Variants in SIPA1L1 observed in about 807,000 individuals in gnomAD.
The protein encoded by SIPA1L1 is signal-induced proliferation-associated 1-like protein 1.
Under a neutral mutation model 162.7 loss-of-function variants are expected in SIPA1L1, and 26 were observed. The ratio of observed to expected loss-of-function variants is 0.16; its 90% CI spans 0.12 to 0.22. The LOEUF (loss-of-function observed/expected upper bound fraction) is 0.22. Ranked by LOEUF, SIPA1L1 falls within the 10% of genes least tolerant of loss-of-function variation. The probability of loss-of-function intolerance (pLI) is 1.00; values close to 1 mark genes in which losing one functional copy is unlikely to be tolerated. For missense variants in SIPA1L1, 1,874 were observed against 2,241.0 expected, an observed-to-expected ratio of 0.84 and a Z score of 3.31; for synonymous variants, 829 against 837.4, an observed-to-expected ratio of 0.99 and a Z score of 0.17.
chr14:71,614,531 A>T (rs367978263), intron 5 of SIPA1L1, among the ~76,000 whole-genome samples: 1 of 152,330 alleles, frequency 6.6e-6, no homozygotes, highest in South Asian at 2.1e-4. Flanking sequence ...ATCCATACCA[A>T]TGGAACCGAT....
chr14:71,432,577 G>A (rs145844345), intron 2 of SIPA1L1, among the ~76,000 whole-genome samples: 210 of 152,244 alleles, frequency 1.4e-3, no homozygotes, highest in Non-Finnish European at 2.5e-3. Flanking sequence ...CTGAGGAAAG[G>A]GATTTCTGGT....
intron 4 of SIPA1L1, among the ~76,000 whole-genome samples, chr14:71,546,613 A>G (rs1395311737): frequency 6.6e-6 from 1 of 151,982 alleles, no homozygotes; most frequent in East Asian, 1.9e-4. Flanking sequence ...AACTCCTGAC[A>G]TCAAGTTATC....
At chr14:71,454,285 A>G (rs2046034490) in intron 2 of SIPA1L1, among the ~76,000 whole-genome samples, 1 of 152,142 alleles carries the variant, frequency 6.6e-6, no homozygotes, top group African/African-American at 2.4e-5. Context: ...TGATCTTATG[A>G]TTTTACTTGC....
At chr14:71,600,855 G>A (rs536615698) in intron 5 of SIPA1L1, among the ~76,000 whole-genome samples, 19 of 152,040 alleles carry the variant, frequency 1.2e-4, no homozygotes, top group African/African-American at 4.6e-4. Flanking sequence ...TTTTGTTTCT[G>A]TTGTAGATGG....
At chr14:71,594,596 G>C (rs1314720180) in intron 5 of SIPA1L1, among the ~76,000 whole-genome samples, 1 of 152,182 alleles carries the variant, frequency 6.6e-6, no homozygotes, top group Non-Finnish European at 1.5e-5. Flanking sequence ...AGGTCAATGA[G>C]TCTGTTCTGC....
intron 2 of SIPA1L1, among the ~76,000 whole-genome samples, chr14:71,395,734 G>A (rs1357793230): frequency 6.6e-6 from 1 of 152,210 alleles, no homozygotes; most frequent in African/African-American, 2.4e-5. Context: ...TTGTGGGCTT[G>A]AAGACCAGGA....
At chr14:71,422,858 G>A (rs2043289311) in intron 2 of SIPA1L1, among the ~76,000 whole-genome samples, 1 of 152,092 alleles carries the variant, frequency 6.6e-6, no homozygotes, top group African/African-American at 2.4e-5. Flanking sequence ...TAGAATCATT[G>A]GATCATCTGG....
chr14:71,416,246 T>TG (rs1183511325), intron 2 of SIPA1L1: 4 of 152,182 alleles, frequency 2.6e-5, no homozygotes, highest in Non-Finnish European at 4.4e-5. Flanking sequence ...ATCTAACACA[T>TG]GCCTAAAAAG....
intron 4 of SIPA1L1, among the ~76,000 whole-genome samples, chr14:71,531,932 A>G (rs1451743049): frequency 6.6e-6 from 1 of 152,212 alleles, no homozygotes; most frequent in Non-Finnish European, 1.5e-5. Flanking sequence ...AGTCAGTTCC[A>G]TTCAAAAATC....
At chr14:71,335,273 C>T (rs886358185) in intron 2 of SIPA1L1, among the ~76,000 whole-genome samples, 1 of 152,112 alleles carries the variant, frequency 6.6e-6, no homozygotes, top group Non-Finnish European at 1.5e-5. Flanking sequence ...CTGCACTCTA[C>T]CCTGGGCGAC....
intron 2 of SIPA1L1, among the ~76,000 whole-genome samples, chr14:71,484,674 A>C (rs1318856733): frequency 3.3e-5 from 5 of 152,226 alleles, no homozygotes; most frequent in African/African-American, 7.2e-5. Flanking sequence ...TTGCTATCCC[A>C]GAAAACTGAT....
chr14:71,485,139 T>C (rs770115030), intron 2 of SIPA1L1, among the ~76,000 whole-genome samples: 1 of 152,244 alleles, frequency 6.6e-6, no homozygotes, highest in Non-Finnish European at 1.5e-5. Flanking sequence ...GTGTCACTTA[T>C]CAGGTAAGTT....
intron 2 of SIPA1L1, among the ~76,000 whole-genome samples, chr14:71,507,681 T>G (rs553489833): frequency 6.6e-6 from 1 of 152,368 alleles, no homozygotes; most frequent in African/African-American, 2.4e-5. Flanking sequence ...TTTCTCATAC[T>G]GACTTGAATT....
chr14:71,481,999 A>C (rs1350610266), intron 2 of SIPA1L1, among the ~76,000 whole-genome samples: 3 of 152,246 alleles, frequency 2.0e-5, no homozygotes, highest in African/African-American at 7.2e-5. Flanking sequence ...TATTTTCCAC[A>C]AAATGGCAAG....
chr14:71,560,734 G>C (rs2056720368), intron 4 of SIPA1L1, among the ~76,000 whole-genome samples: 1 of 152,244 alleles, frequency 6.6e-6, no homozygotes, highest in African/African-American at 2.4e-5. Flanking sequence ...TGGGAGAACA[G>C]TATGGGTTAG....
intron 2 of SIPA1L1, chr14:71,498,026 C>T (rs986246613): frequency 3.3e-5 from 5 of 152,182 alleles, no homozygotes; most frequent in African/African-American, 9.7e-5. Context: ...AAATTTTGGC[C>T]ATTTTAATAG....
rs2039516643 is a variant in SIPA1L1 at position 71,377,541 on chromosome 14, C to CA, written c.-465+56361dup. On this transcript the variant is annotated intron_variant, in intron 2 of 23. Coordinates refer to ENST00000381232, the MANE Select transcript of SIPA1L1 (RefSeq NM_001386936.1). This position sits in a 1 kb window ranked among gnomAD's most constrained non-coding sequence, Gnocchi z 4.8. Reference sequence around the variant, plus strand: ...CCTCACATCCCAGACCATGGGCAGCCAGGCAGAGACGCTCCTCACTTCCTA... The same window carrying CA: ...CCTCACATCCCAGACCATGGGCAGCCAAGGCAGAGACGCTCCTCACTTCCTA... 6.6e-6 allele frequency among the ~76,000 whole-genome samples: 1 copy of CA among 151,998 alleles called. No individual in the cohort carries two copies. Among genetic ancestry groups the CA allele is most frequent in the South Asian group, 2.1e-4 (1 of 4,826 alleles).
Position 71,686,638 on chromosome 14 carries a change from G to A in SIPA1L1, c.3374+1007G>A, listed in dbSNP as rs1232486178. On this transcript the variant is annotated intron_variant, in intron 13 of 23. Transcript: ENST00000381232. ...GGCTCACTGCAACCTCTGCCTCCCA[G>A]GTTCAAGCGAGTCTCCTGTCTCAGC... is the stretch of plus-strand genomic sequence containing the variant. Among the ~76,000 whole-genome samples, 5 of 152,056 alleles carry A rather than the reference G, an allele frequency of 3.3e-5. No individual in the cohort carries two copies. The East Asian group carries it at 7.7e-4, about 23-fold the overall frequency.
intron 2 of SIPA1L1, among the ~76,000 whole-genome samples, chr14:71,329,786 A>G (rs1391064022): frequency 6.6e-6 from 1 of 152,042 alleles, no homozygotes; most frequent in Non-Finnish European, 1.5e-5. Context: ...CCATTTTTAA[A>G]TTGGGTTATT....
Sources: gnomAD v4.1 joint callset for allele counts (sites outside exome capture counted in the v4.1 genomes callset) on GRCh38, gnomAD v4.1.1 for gene constraint, Gnocchi (gnomAD v3.1) non-coding constraint, MANE v1.5 for transcripts, NCBI Gene and HGNC (gene_info 2026-07-23, HGNC 2026-07-21) for gene names.